The following PCDHGA3 variants were observed in gnomAD, a reference collection of about 807,000 sequenced individuals.
The protein encoded by PCDHGA3 is protocadherin gamma subfamily A, 3, also known as protocadherin gamma-A3.
A neutral mutation model predicts 58.5 loss-of-function variants in PCDHGA3; 40 were observed. The observed-to-expected ratio is 0.68, with a 90% CI of 0.53 to 0.89. PCDHGA3 has a LOEUF of 0.89. PCDHGA3 is among the 40% of genes least tolerant of loss of function. The pLI is 0.00. For synonymous variants in PCDHGA3, 530 were observed against 525.7 expected (o/e 1.01, Z -0.11); for missense variants, 1,223 against 1,195.9 (o/e 1.02, Z -0.33).
rs756709819 is a variant in PCDHGA3, at chr5:141,356,058, C to T, written c.2424+9601C>T. 7 of 1,613,866 alleles carry T rather than the reference C, an allele frequency of 4.3e-6. No individual in the cohort carries two copies. In the Admixed American group the frequency reaches 1.0e-4, roughly 23 times the overall value. On this transcript the variant is annotated intron_variant, in intron 1 of 3. Coordinates refer to ENST00000253812, the MANE Select transcript of PCDHGA3 (RefSeq NM_018916.4). ...CGTATTCTTTCCGGAAAGTAAGAGACAAAATATCACAGCTATTTCAGTTGA... is the reference window on the plus strand; with the variant it reads ...CGTATTCTTTCCGGAAAGTAAGAGATAAAATATCACAGCTATTTCAGTTGA...
intron 1 of PCDHGA3, chr5:141,399,868 G>A (rs1410554488): frequency 6.2e-7 from 1 of 1,612,710 alleles, no homozygotes; most frequent in African/African-American, 1.3e-5. Flanking sequence ...TGCAGAGCCC[G>A]GCTACCTGGT....
Position 141,493,891 on chromosome 5 carries a change from G to A in PCDHGA3, c.2425-916G>A, listed in dbSNP as rs1595204910. On this transcript the variant is annotated intron_variant, in intron 1 of 3. Transcript: ENST00000253812. The surrounding 1 kb of genome is among the most constrained non-coding windows in gnomAD (Gnocchi z 4.3). ...CCAGTGAGGAGGTGGCTCTAGGAGT[G>A]CTCCATGAGAGTGTGTGATGGGATA... Among the ~76,000 whole-genome samples, 1 of 152,300 alleles carries A rather than the reference G, an allele frequency of 6.6e-6. No homozygotes were observed. The highest frequency in any genetic ancestry group is 1.5e-5 in the Non-Finnish European group (1 of 68,018).
intron 1 of PCDHGA3, chr5:141,365,152 C>A: frequency 6.2e-7 from 1 of 1,613,880 alleles, no homozygotes; most frequent in Non-Finnish European, 8.5e-7. Flanking sequence ...AGGGAATAAA[C>A]GGGAAATTGA....
chr5:141,397,512 A>G (rs1043730091), intron 1 of PCDHGA3, among the ~76,000 whole-genome samples: 1 of 152,242 alleles, frequency 6.6e-6, no homozygotes, highest in Non-Finnish European at 1.5e-5. Context: ...AATTGTTTCC[A>G]TAGCTAATAA....
At chr5:141,465,466 C>T (rs1280373152) in intron 1 of PCDHGA3, among the ~76,000 whole-genome samples, 1 of 152,156 alleles carries the variant, frequency 6.6e-6, no homozygotes, top group African/African-American at 2.4e-5. Flanking sequence ...ACCAAATTGC[C>T]CTTGCTTCAT....
At chr5:141,399,847 G>T (rs746731144) in intron 1 of PCDHGA3, 19 of 1,612,874 alleles carry the variant, frequency 1.2e-5, no homozygotes, top group Middle Eastern at 1.7e-4. Flanking sequence ...CTTCGATATG[G>T]TGCCGCGCGC....
At chr5:141,364,371 T>G in intron 1 of PCDHGA3, 1 of 1,572,068 alleles carries the variant, frequency 6.4e-7, no homozygotes, top group South Asian at 1.2e-5. Flanking sequence ...GGAGAGCTGC[T>G]GCTGCCCTTC....
chr5:141,379,540 G>C (rs1322397241), intron 1 of PCDHGA3: 2 of 152,194 alleles, frequency 1.3e-5, no homozygotes, highest in Non-Finnish European at 2.9e-5. Context: ...TATAGGGAAA[G>C]CTCACTAACT....
chr5:141,467,897 A>G (rs1403276382), intron 1 of PCDHGA3, among the ~76,000 whole-genome samples: 1 of 152,056 alleles, frequency 6.6e-6, no homozygotes, highest in Non-Finnish European at 1.5e-5. Flanking sequence ...GAGCTCAAGA[A>G]ATCCGCCCAC....
chr5:141,360,208 T>C (rs780604415), intron 1 of PCDHGA3: 9 of 1,613,072 alleles, frequency 5.6e-6, no homozygotes, highest in Non-Finnish European at 7.6e-6. Flanking sequence ...GTTGTCTTTG[T>C]TCCCCGGGGC....
Position 141,391,341 on chromosome 5 carries a change from CTCTG to C in PCDHGA3, c.2424+44890_2424+44893del, listed in dbSNP as rs1256271403. Reference sequence around the variant, plus strand: ...TCTTTTTTTTTTTTTGAGACAGAGTCTCTGTCTGTTACTCAGGCTGTAGTGCAGT... The same window carrying C: ...TCTTTTTTTTTTTTTGAGACAGAGTCTCTGTTACTCAGGCTGTAGTGCAGT... On this transcript the variant is annotated intron_variant, in intron 1 of 3. Transcript: ENST00000253812. 2.1e-5 allele frequency: 3 copies of C among 145,162 alleles called. No individual in the cohort carries two copies. In the South Asian group the frequency reaches 6.5e-4, roughly 32 times the overall value. The allele number at this position is 145,162 out of a possible 1,614,324, so 9.0% of individuals were successfully genotyped here.
intron 1 of PCDHGA3, among the ~76,000 whole-genome samples, chr5:141,451,788 A>C (rs531473040): frequency 6.6e-6 from 1 of 152,140 alleles, no homozygotes; most frequent in African/African-American, 2.4e-5. Flanking sequence ...GGCTGAGGCC[A>C]GAGAATTGCT....
chr5:141,398,832 C>T (rs967769671), intron 1 of PCDHGA3: 3 of 1,614,000 alleles, frequency 1.9e-6, no homozygotes, highest in Non-Finnish European at 1.7e-6. Flanking sequence ...TAACCGACGC[C>T]AATGATAATC....
At position 141,499,673 on chromosome 5, in the gene PCDHGA3, C is replaced by A. The variant is rs1193484216; in HGVS notation, c.2483+4808C>A. Among the ~76,000 whole-genome samples the A allele has an allele frequency of 2.7e-5, 4 of 150,550 alleles. No individual in the cohort carries two copies. In the East Asian group the frequency reaches 7.8e-4, roughly 29 times the overall value. On this transcript the variant is annotated intron_variant, in intron 2 of 3. Transcript: ENST00000253812. ...CATATAATTTCATCTTGGTCTCCACCATCTTTAACAGATGACTTTTTTTTT... is the reference window on the plus strand; with the variant it reads ...CATATAATTTCATCTTGGTCTCCACAATCTTTAACAGATGACTTTTTTTTT...
intron 1 of PCDHGA3, chr5:141,395,513 C>T: frequency 2.4e-6 from 1 of 420,938 alleles, no homozygotes; most frequent in South Asian, 3.5e-5. Context: ...GAAGTAGCTA[C>T]CCGTCCATAC....
intron 1 of PCDHGA3, chr5:141,365,579 G>T (rs1300437364): frequency 4.3e-6 from 7 of 1,613,564 alleles, no homozygotes; most frequent in African/African-American, 1.3e-5. Flanking sequence ...AGAGACTTCA[G>T]ATTATAATAT....
chr5:141,402,807 T>G, intron 1 of PCDHGA3: 2 of 1,165,464 alleles, frequency 1.7e-6, no homozygotes, highest in Non-Finnish European at 2.3e-6. Flanking sequence ...ACCCGGCAGA[T>G]ACCACAAACC....
chr5:141,462,657 T>G (rs949098251), intron 1 of PCDHGA3, among the ~76,000 whole-genome samples: 1 of 152,164 alleles, frequency 6.6e-6, no homozygotes, highest in East Asian at 1.9e-4. Flanking sequence ...TCCTCAATTA[T>G]CTTCATATTT....
chr5:141,379,889 C>CTTTT lies in PCDHGA3; in HGVS notation c.2424+33459_2424+33462dup, dbSNP rs70988800. ...CTTATTTTATGGTCTGTGAAAGCCT[C>CTTTT]TTTTTTTTTTTTTTTTTTTTTTTTT... is the stretch of plus-strand genomic sequence containing the variant. On this transcript the variant is annotated intron_variant, in intron 1 of 3. Transcript: ENST00000253812. Among the ~76,000 whole-genome samples, 383 of 50,836 alleles carry CTTTT rather than the reference C, an allele frequency of 7.5e-3. 64 individuals are homozygous for CTTTT. The highest frequency in any genetic ancestry group is 9.2e-3 in the Non-Finnish European group (239 of 25,888). 33.4% of individuals were successfully genotyped at this position (50,836 alleles called of 152,430 possible). A position where few individuals can be genotyped will look rare whatever the true frequency, so the allele number is the denominator to read the frequency against.
Sources: allele counts gnomAD v4.1 joint callset (sites outside exome capture counted in the v4.1 genomes callset), GRCh38; gene constraint gnomAD v4.1.1; non-coding constraint Gnocchi (gnomAD v3.1); transcripts MANE v1.5; gene names NCBI Gene and HGNC (gene_info 2026-07-23, HGNC 2026-07-21).